Variants in NIP7 observed in about 807,000 individuals in gnomAD.
NIP7 encodes 60S ribosome subunit biogenesis protein NIP7 homolog.
A neutral mutation model predicts 20.1 loss-of-function variants in NIP7; 12 were observed. That is an observed-to-expected ratio of 0.60 (90% confidence interval 0.38 to 0.97). NIP7 has a LOEUF of 0.97. Ranked by LOEUF, NIP7 falls within the 50% of genes least tolerant of loss-of-function variation. The probability of loss-of-function intolerance (pLI) is 0.00; values close to 1 mark genes in which losing one functional copy is unlikely to be tolerated. For missense variants in NIP7, 226 were observed against 226.6 expected, an observed-to-expected ratio of 1.00 and a Z score of 0.02; for synonymous variants, 103 against 87.2, an observed-to-expected ratio of 1.18 and a Z score of -1.01.
chr16:69,341,415 A>G, intron 4 of NIP7, 95 bp downstream of exon 4: 1 of 1,569,772 alleles, frequency 6.4e-7, no homozygotes, highest in Non-Finnish European at 8.7e-7. Context: ...AATTCTCAGC[A>G]CGTTTTGAAT....
Position 69,341,573 on chromosome 16 carries a change from A to T in NIP7, c.464A>T (p.Lys155Ile). 6.2e-7 allele frequency: 1 copy of T among 1,614,192 alleles called. No individual in the cohort carries two copies. Among genetic ancestry groups the T allele is most frequent in the South Asian group, 1.1e-5 (1 of 91,090 alleles). The change falls in exon 5 of 5, where the codon AAA becomes ATA. Residue 155 changes from lysine to isoleucine, a missense_variant. Coordinates refer to ENST00000254940, the MANE Select transcript of NIP7 (RefSeq NM_016101.5). Reference sequence around the variant, plus strand: ...GCCAAATCTACACAAGACTGCAGAAAAGTAGACCCCATGGCGATTGTGGTA... The same window carrying T: ...GCCAAATCTACACAAGACTGCAGAATAGTAGACCCCATGGCGATTGTGGTA... ...VAAKSTQDCR[K>I]VDPMAIVVFH...
rs1265759046 is a variant in NIP7, at chr16:69,341,748, C to T, written c.*96C>T. 3.4e-6 allele frequency: 5 copies of T among 1,468,918 alleles called. No individual in the cohort carries two copies. Among genetic ancestry groups the T allele is most frequent in the Non-Finnish European group, 3.7e-6 (4 of 1,067,368 alleles). 91.0% of individuals were successfully genotyped at this position (1,468,918 alleles called of 1,614,324 possible). ...CCACCATCATGTTGAATTTTGTCAA[C>T]ACTCTGGCCTCTTCAGGGACTTCTT... On this transcript the variant is annotated 3_prime_UTR_variant, in exon 5 of 5. Transcript: ENST00000254940.
chr16:69,341,060 A>G, intron 3 of NIP7, 120 bp from the exon 4 acceptor site: 2 of 828,476 alleles, frequency 2.4e-6, no homozygotes, highest in Non-Finnish European at 3.7e-6. Context: ...GGAAAACATG[A>G]GTCTCTCTGT....
At chr16:69,340,440 T>C (rs2012493483) in intron 3 of NIP7, 108 bp downstream of exon 3, 5 of 1,369,616 alleles carry the variant, frequency 3.7e-6, no homozygotes, top group Non-Finnish European at 4.0e-6. Context: ...CTTGGAGGAG[T>C]TTCAGCACAT....
Position 69,340,054 on chromosome 16 carries a change from C to T in NIP7, c.105C>T (p.Tyr35=). ...TGGTGGACCGGCCCGATGGCACCTA[C>T]TGTTTCCGTCTGCACAACGACCGGG... ...QLLVDRPDGT[Y]CFRLHNDRVY... Residue 35 remains tyrosine (Y), a synonymous_variant, in exon 2 of 5, where the codon TAC becomes TAT. Coordinates refer to ENST00000254940, the MANE Select transcript of NIP7 (RefSeq NM_016101.5). 2 of 1,614,070 alleles carry T rather than the reference C, an allele frequency of 1.2e-6. No homozygotes were observed. The highest frequency in any genetic ancestry group is 1.7e-6 in the Non-Finnish European group (2 of 1,180,012).
In NIP7 at chr16:69,340,463, A is replaced by G. The variant is rs1220810118; in HGVS notation, c.282+131A>G. 7 of 1,145,306 alleles carry G rather than the reference A, an allele frequency of 6.1e-6. No homozygotes were observed. In the Admixed American group the frequency reaches 6.6e-5, roughly 11 times the overall value. 70.9% of individuals were successfully genotyped at this position (1,145,306 alleles called of 1,614,324 possible). Reference sequence around the variant, plus strand: ...AGTTTCAGCACATGGAGATGTGTAGAGGTCTTGCAGCTTGAGCATGGTCAG... The same window carrying G: ...AGTTTCAGCACATGGAGATGTGTAGGGGTCTTGCAGCTTGAGCATGGTCAG... On this transcript the variant is annotated intron_variant, in intron 3 of 4. Coordinates refer to ENST00000254940, the MANE Select transcript of NIP7 (RefSeq NM_016101.5).
chr16:69,339,965 G>T (rs1463070210), intron 1 of NIP7, 41 bp from the exon 2 acceptor site: 3 of 1,612,936 alleles, frequency 1.9e-6, no homozygotes, highest in East Asian at 2.2e-5. Flanking sequence ...CCGGAGACCG[G>T]TTCGTTCGGG....
chr16:69,340,037 C>T lies in NIP7; in HGVS notation c.88C>T (p.Arg30Trp), dbSNP rs779085319. The T allele has an allele frequency of 2.5e-6, 4 of 1,614,004 alleles. No individual in the cohort carries two copies. Among genetic ancestry groups the T allele is most frequent in the East Asian group, 2.2e-5 (1 of 44,856 alleles). ...GGAGAATCTTCAACTGCTGGTGGAC[C>T]GGCCCGATGGCACCTACTGTTTCCG... is the stretch of plus-strand genomic sequence containing the variant. ...IGENLQLLVD[R>W]PDGTYCFRLH... is the part of the protein sequence containing the mutation. The change falls in exon 2 of 5, where the codon CGG becomes TGG. Residue 30 changes from arginine to tryptophan, a missense_variant. Physicochemically the swap from Arg to Trp is moderately radical, Grantham distance 101. Transcript: ENST00000254940.
chr16:69,341,135 A>T, intron 3 of NIP7, 45 bp from the exon 4 acceptor site: 1 of 1,558,054 alleles, frequency 6.4e-7, no homozygotes, highest in Non-Finnish European at 8.8e-7. Flanking sequence ...GCATGGATAG[A>T]AATAGTAACG....
rs189452855 is a variant in NIP7 at position 69,341,175 on chromosome 16, T to C, written c.283-5T>C. 1.1e-5 allele frequency: 17 copies of C among 1,610,528 alleles called. No individual in the cohort carries two copies. The Admixed American group carries it at 2.9e-4, about 27-fold the overall frequency. On this transcript the variant is annotated splice_region_variant and splice_polypyrimidine_tract_variant and intron_variant, in intron 3 of 4. Coordinates refer to ENST00000254940, the MANE Select transcript of NIP7 (RefSeq NM_016101.5). ...TATGTCTCTTGGATTTTAATTCTCTTATAGTATAAAGTTTGGATAAAGCCT... is the reference window on the plus strand; with the variant it reads ...TATGTCTCTTGGATTTTAATTCTCTCATAGTATAAAGTTTGGATAAAGCCT...
At chr16:69,340,409 C>G in intron 3 of NIP7, 77 bp downstream of exon 3, 1 of 1,547,588 alleles carries the variant, frequency 6.5e-7, no homozygotes, top group South Asian at 1.2e-5. Context: ...GCTTCTCTCC[C>G]ACAGAGTCCC....
intron 1 of NIP7, 57 bp downstream of exon 1, chr16:69,339,942 T>TG: frequency 1.9e-6 from 3 of 1,612,188 alleles, no homozygotes; most frequent in Non-Finnish European, 2.5e-6. Context: ...AAGGGTGGAG[T>TG]GGGGGCGCGG....
intron 4 of NIP7, 32 bp from the exon 5 acceptor site, chr16:69,341,501 A>G (rs1182157752): frequency 6.2e-7 from 1 of 1,611,638 alleles, no homozygotes; most frequent in Non-Finnish European, 8.5e-7. Context: ...GAATGACTTC[A>G]GTGAGTTAGT....
chr16:69,340,306 C>G lies in NIP7; in HGVS notation c.256C>G (p.Leu86Val), dbSNP rs760625036. The G allele has an allele frequency of 1.9e-6, 3 of 1,613,666 alleles. No homozygotes were observed. In the South Asian group the frequency reaches 3.3e-5, roughly 18 times the overall value. The change falls in exon 3 of 5, where the codon CTG (leucine) becomes GTG (valine). Residue 86 changes from leucine (L) to valine (V), a missense_variant. Transcript: ENST00000254940. ...CAAGTTTCGGTTGCACGTCACAGCT[C>G]TGGATTACCTTGCACCTTATGCCAA... ...THKFRLHVTA[L>V]DYLAPYAKYK...
intron 3 of NIP7, 78 bp from the exon 4 acceptor site, chr16:69,341,102 C>A: frequency 8.2e-7 from 1 of 1,213,994 alleles, no homozygotes; most frequent in Non-Finnish European, 1.2e-6. Context: ...AAATTATTCA[C>A]AGATCCAGCA....
In NIP7 at chr16:69,339,799, G is replaced by T. The variant is rs1239414549; in HGVS notation, c.-31G>T. 1.9e-6 allele frequency: 3 copies of T among 1,611,518 alleles called. No individual in the cohort carries two copies. The highest frequency in any genetic ancestry group is 2.2e-5 in the East Asian group (1 of 44,872). ...CTTCCGTTTCCAGTTACCAAGGCAC[G>T]AGGATCCGGTGTTCCAACCCAGGGG... On this transcript the variant is annotated 5_prime_UTR_variant, in exon 1 of 5. Transcript: ENST00000254940.
Position 69,339,796 on chromosome 16 carries a change from C to G in NIP7, c.-34C>G, listed in dbSNP as rs147541006. Reference sequence around the variant, plus strand: ...CGACTTCCGTTTCCAGTTACCAAGGCACGAGGATCCGGTGTTCCAACCCAG... The same window carrying G: ...CGACTTCCGTTTCCAGTTACCAAGGGACGAGGATCCGGTGTTCCAACCCAG... On this transcript the variant is annotated 5_prime_UTR_variant, in exon 1 of 5. Coordinates refer to ENST00000254940, the MANE Select transcript of NIP7 (RefSeq NM_016101.5). 206 of 1,610,746 alleles carry G rather than the reference C, an allele frequency of 1.3e-4. No individual in the cohort carries two copies. Among genetic ancestry groups the G allele is most frequent in the Middle Eastern group, 6.7e-4 (3 of 4,506 alleles).
Position 69,339,824 on chromosome 16 carries a change from G to T in NIP7, c.-6G>T. On this transcript the variant is annotated 5_prime_UTR_variant, in exon 1 of 5. Coordinates refer to ENST00000254940, the MANE Select transcript of NIP7 (RefSeq NM_016101.5). ...GAGGATCCGGTGTTCCAACCCAGGG[G>T]GAAAAATGCGGCCTTTGACTGAAGA... is the stretch of plus-strand genomic sequence containing the variant. The T allele has an allele frequency of 6.2e-7, 1 of 1,612,750 alleles. No individual in the cohort carries two copies. The highest frequency in any genetic ancestry group is 1.7e-5 in the Admixed American group (1 of 60,016).
Position 69,339,899 on chromosome 16 carries a change from G to A in NIP7, c.56+14G>A. On this transcript the variant is annotated intron_variant, in intron 1 of 4. Transcript: ENST00000254940. Reference sequence around the variant, plus strand: ...GATAGCGAAATAGTAGGAGCGCGCGGGGCGGACGCGGGAGTGTGTGGGTGT... The same window carrying A: ...GATAGCGAAATAGTAGGAGCGCGCGAGGCGGACGCGGGAGTGTGTGGGTGT... 6.2e-7 allele frequency: 1 copy of A among 1,613,524 alleles called. No individual in the cohort carries two copies. Among genetic ancestry groups the A allele is most frequent in the Non-Finnish European group, 8.5e-7 (1 of 1,179,992 alleles).
Sources: gnomAD v4.1 joint callset for allele counts on GRCh38, gnomAD v4.1.1 for gene constraint, MANE v1.5 for transcripts, NCBI Gene and HGNC (gene_info 2026-07-23, HGNC 2026-07-21) for gene names.